UBAP1L: variants seen among roughly 807,000 people sequenced by gnomAD.
UBAP1L encodes ubiquitin-associated protein 1-like.
A neutral mutation model predicts 32.1 loss-of-function variants in UBAP1L; 32 were observed. The ratio of observed to expected loss-of-function variants is 1.00; its 90% CI spans 0.75 to 1.34. The LOEUF is 1.34. UBAP1L is among the 40% of genes most tolerant of loss of function. The probability of loss-of-function intolerance (pLI) is 0.00; values close to 1 mark genes in which losing one functional copy is unlikely to be tolerated. For missense variants in UBAP1L, 516 were observed against 540.5 expected (o/e 0.95, Z 0.45); for synonymous variants, 243 against 250.2 (o/e 0.97, Z 0.27).
chr15:65,092,916 C>A lies in UBAP1L; in HGVS notation c.*181G>T. On this transcript the variant is annotated 3_prime_UTR_variant, in exon 6 of 6. Transcript: ENST00000559089. ...CCCATCTGCCCCTCTGCAGAGGCAA[C>A]TATTTCAACTCTTTCAGCAGATTCT... 1 of 890,270 alleles carries A rather than the reference C, an allele frequency of 1.1e-6. No individual in the cohort carries two copies. Among genetic ancestry groups the A allele is most frequent in the South Asian group, 2.0e-5 (1 of 49,378 alleles). The allele number at this position is 890,270 out of a possible 1,614,324, so 55.1% of individuals were successfully genotyped here.
At position 65,102,325 on chromosome 15, in the gene UBAP1L, C is replaced by T. The variant is rs1365281567; in HGVS notation, c.480G>A (p.Arg160=). Residue 160 remains arginine (R), a synonymous_variant, in exon 3 of 6, where the codon CGG becomes CGA. Coordinates refer to ENST00000559089, the MANE Select transcript of UBAP1L (RefSeq NM_001163692.2). This position sits in a 1 kb window ranked among gnomAD's most constrained non-coding sequence, Gnocchi z 5.0. Reference sequence around the variant, plus strand: ...AGACCAGCTTCCCCTCGGAGAGCCGCCGCCGCGCCCCTGCCAGCTCCAACC... The same window carrying T: ...AGACCAGCTTCCCCTCGGAGAGCCGTCGCCGCGCCCCTGCCAGCTCCAACC... ...GVRLELAGAR[R]RLSEGKLVSR... 3 of 1,446,614 alleles carry T rather than the reference C, an allele frequency of 2.1e-6. No homozygotes were observed. Among genetic ancestry groups the T allele is most frequent in the African/African-American group, 1.5e-5 (1 of 66,740 alleles). 89.6% of individuals were successfully genotyped at this position (1,446,614 alleles called of 1,614,324 possible).
chr15:65,106,313 T>C lies in UBAP1L; in HGVS notation c.-98A>G, dbSNP rs548472669. 2.3e-6 allele frequency: 3 copies of C among 1,317,332 alleles called. No homozygotes were observed. Among genetic ancestry groups the C allele is most frequent in the South Asian group, 3.4e-5 (2 of 59,598 alleles). The allele number at this position is 1,317,332 out of a possible 1,614,324, so 81.6% of individuals were successfully genotyped here. A position where few individuals can be genotyped will look rare whatever the true frequency, so the allele number is the denominator to read the frequency against. On this transcript the variant is annotated 5_prime_UTR_variant, in exon 2 of 6. Coordinates refer to ENST00000559089, the MANE Select transcript of UBAP1L (RefSeq NM_001163692.2). ...CTGAGGACCAGGCTCAGGCCTCAAA[T>C]GGCCTCACTGCTCTCCTGTGTGGTC...
In UBAP1L at chr15:65,094,804, G is replaced by C; in HGVS notation, c.910-228C>G. 1 of 571,304 alleles carries C rather than the reference G, an allele frequency of 1.8e-6. No individual in the cohort carries two copies. Among genetic ancestry groups the C allele is most frequent in the Non-Finnish European group, 3.2e-6 (1 of 317,432 alleles). The allele number at this position is 571,304 out of a possible 1,614,324, so 35.4% of individuals were successfully genotyped here. A position where few individuals can be genotyped will look rare whatever the true frequency, so the allele number is the denominator to read the frequency against. Reference sequence around the variant, plus strand: ...GGGTCTTCACCAACTATGCCAAGCTGGGGGCTGGACTCCAGGAAAAGGGCT... The same window carrying C: ...GGGTCTTCACCAACTATGCCAAGCTCGGGGCTGGACTCCAGGAAAAGGGCT... On this transcript the variant is annotated intron_variant, in intron 4 of 5. Transcript: ENST00000559089. The surrounding 1 kb of genome is among the most constrained non-coding windows in gnomAD (Gnocchi z 4.2).
chr15:65,108,047 CTT>C (rs940578385), intron 1 of UBAP1L, among the ~76,000 whole-genome samples: 2 of 151,828 alleles, frequency 1.3e-5, no homozygotes, highest in African/African-American at 4.8e-5. Context: ...CCAAGAGACT[CTT>C]GGAGAAGCAA....
intron 3 of UBAP1L, chr15:65,100,006 G>T: frequency 4.3e-6 from 1 of 234,376 alleles, no homozygotes; most frequent in Non-Finnish European, 8.3e-6. Flanking sequence ...CACTTTGGGA[G>T]GCCAAGGCAG....
chr15:65,111,877 G>A (rs1199157764), intron 1 of UBAP1L, among the ~76,000 whole-genome samples: 3 of 151,162 alleles, frequency 2.0e-5, no homozygotes, highest in Admixed American at 1.3e-4. Flanking sequence ...TGCAAGCTCC[G>A]TCCCCCGGGT....
Position 65,101,520 on chromosome 15 carries a change from T to G in UBAP1L, c.699+586A>C, listed in dbSNP as rs143120544. ...CTCAACACCTGATCCCGCTGTACAG[T>G]TCAGGGCCTGGTCCCACAACCCTCT... On this transcript the variant is annotated intron_variant, in intron 3 of 5. Coordinates refer to ENST00000559089, the MANE Select transcript of UBAP1L (RefSeq NM_001163692.2). 809 of 152,434 alleles carry G rather than the reference T, an allele frequency of 5.3e-3. 13 individuals are homozygous for G. The highest frequency in any genetic ancestry group is 0.018 in the African/African-American group (754 of 41,560). 9.4% of individuals were successfully genotyped at this position (152,434 alleles called of 1,614,324 possible). A position where few individuals can be genotyped will look rare whatever the true frequency, so the allele number is the denominator to read the frequency against.
chr15:65,101,507 T>C (rs1298020282), intron 3 of UBAP1L: 8 of 152,314 alleles, frequency 5.3e-5, no homozygotes, highest in African/African-American at 1.9e-4. Flanking sequence ...CAACACCTGA[T>C]CCCGCTGTAC....
At chr15:65,109,667 A>C (rs935143125) in intron 1 of UBAP1L, among the ~76,000 whole-genome samples, 1 of 152,158 alleles carries the variant, frequency 6.6e-6, no homozygotes, top group African/African-American at 2.4e-5. Context: ...AGAGACTTTT[A>C]ATATGCACTT....
At chr15:65,093,299 C>T in intron 5 of UBAP1L, 68 bp from the exon 6 acceptor site, 2 of 1,456,850 alleles carry the variant, frequency 1.4e-6, no homozygotes, top group Non-Finnish European at 1.8e-6. Flanking sequence ...TGGGGAGCCC[C>T]AGCTCCAGTG....
At chr15:65,093,319 C>T (rs1405401194) in intron 5 of UBAP1L, 88 bp from the exon 6 acceptor site, 2 of 1,416,138 alleles carry the variant, frequency 1.4e-6, no homozygotes, top group Admixed American at 3.0e-5. Context: ...GCCTACTGCA[C>T]CTAGTCCCAA....
chr15:65,100,249 A>AC (rs1311916943), intron 3 of UBAP1L: 2 of 151,862 alleles, frequency 1.3e-5, no homozygotes, highest in Non-Finnish European at 2.9e-5. Context: ...TGTCTCAAAA[A>AC]AAAAAACAAA....
rs1057239365 is a variant in UBAP1L at position 65,111,049 on chromosome 15, G to A, written c.-174+4101C>T. ...TCTCCTGCCCCATTTGTCAACTCTT[G>A]TTAGTGTCTTGCTGTATATAAGACT... On this transcript the variant is annotated intron_variant, in intron 1 of 5. Transcript: ENST00000559089. 2.6e-5 allele frequency among the ~76,000 whole-genome samples: 4 copies of A among 152,262 alleles called. No individual in the cohort carries two copies. The East Asian group carries it at 7.7e-4, about 29-fold the overall frequency.
chr15:65,113,428 C>G (rs1259867125), intron 1 of UBAP1L, among the ~76,000 whole-genome samples: 1 of 152,108 alleles, frequency 6.6e-6, no homozygotes, highest in South Asian at 2.1e-4. Flanking sequence ...TAAGTTCTTC[C>G]CTGTTGCTTC....
At position 65,099,269 on chromosome 15, in the gene UBAP1L, C is replaced by T. The variant is rs548088437; in HGVS notation, c.909+236G>A. The T allele has an allele frequency of 1.2e-3, 617 of 529,206 alleles. 1 individual carries two copies. Among genetic ancestry groups the T allele is most frequent in the Non-Finnish European group, 1.9e-3 (545 of 293,678 alleles). The allele number at this position is 529,206 out of a possible 1,614,324, so 32.8% of individuals were successfully genotyped here. A position where few individuals can be genotyped will look rare whatever the true frequency, so the allele number is the denominator to read the frequency against. On this transcript the variant is annotated intron_variant, in intron 4 of 5. Transcript: ENST00000559089. ...CAGGGATTACCTTAACTGCAGAGATCCACTTACCTCAGGTCACCCCCTTCC... is the reference window on the plus strand; with the variant it reads ...CAGGGATTACCTTAACTGCAGAGATTCACTTACCTCAGGTCACCCCCTTCC...
At chr15:65,106,953 A>G (rs1019267402) in intron 1 of UBAP1L, among the ~76,000 whole-genome samples, 2 of 152,124 alleles carry the variant, frequency 1.3e-5, no homozygotes, top group African/African-American at 4.8e-5. Flanking sequence ...TTTTTAGCAT[A>G]ACCTTGATAC....
chr15:65,099,756 G>C, intron 3 of UBAP1L, 42 bp from the exon 4 acceptor site: 2 of 1,484,238 alleles, frequency 1.3e-6, no homozygotes, highest in Non-Finnish European at 1.8e-6. Flanking sequence ...ACTACAGGAA[G>C]TGACACTCAG....
At chr15:65,109,496 A>AC (rs1223137115) in intron 1 of UBAP1L, among the ~76,000 whole-genome samples, 4 of 151,116 alleles carry the variant, frequency 2.6e-5, no homozygotes, top group Non-Finnish European at 4.4e-5. Context: ...AAAAAAAAAA[A>AC]AAAAAAAAAC....
rs1368597978 is a variant in UBAP1L, at chr15:65,099,724, A to C, written c.700-10T>G. 4 of 1,542,364 alleles carry C rather than the reference A, an allele frequency of 2.6e-6. No individual in the cohort carries two copies. The Admixed American group carries it at 5.9e-5, about 23-fold the overall frequency. On this transcript the variant is annotated splice_polypyrimidine_tract_variant and intron_variant, in intron 3 of 5. Transcript: ENST00000559089. The stretch of plus-strand genomic sequence containing the variant: ...TGTACGGGCTGAGGGACTGAAATAC[A>C]GACAGACTGGACATGTCAGTTACTA...
Sources: allele counts gnomAD v4.1 joint callset (sites outside exome capture counted in the v4.1 genomes callset), GRCh38; gene constraint gnomAD v4.1.1; non-coding constraint Gnocchi (gnomAD v3.1); transcripts MANE v1.5; gene names NCBI Gene and HGNC (gene_info 2026-07-23, HGNC 2026-07-21).